The following LIMS1 variants were observed in gnomAD, a reference collection of about 807,000 sequenced individuals.
The protein encoded by LIMS1 is LIM and senescent cell antigen-like-containing domain protein 1.
In LIMS1, 18 loss-of-function variants were observed where a neutral mutation model predicts 44.1. That is an observed-to-expected ratio of 0.41 (90% CI 0.28 to 0.61). LIMS1 has a LOEUF of 0.61. Ranked by LOEUF, LIMS1 falls within the 20% of genes least tolerant of loss-of-function variation. LIMS1 has a pLI of 0.32. For missense variants in LIMS1, 201 were observed against 422.0 expected (o/e 0.48, Z 4.59); for synonymous variants, 93 against 149.1 (o/e 0.62, Z 2.74).
At chr2:108,679,279 G>A (rs1490387641) in intron 8 of LIMS1, among the ~76,000 whole-genome samples, 1 of 151,672 alleles carries the variant, frequency 6.6e-6, no homozygotes, top group Admixed American at 6.6e-5. Flanking sequence ...AAGAGTTCAA[G>A]AGCAGTCTGG....
chr2:108,595,651 A>G (rs889448182), intron 1 of LIMS1, among the ~76,000 whole-genome samples: 3 of 152,068 alleles, frequency 2.0e-5, no homozygotes, highest in African/African-American at 7.2e-5. Context: ...TCTGTAGTCA[A>G]CTGTGTACTA....
intron 1 of LIMS1, among the ~76,000 whole-genome samples, 179 bp downstream of exon 1, chr2:108,534,773 G>T (rs994942940): frequency 6.6e-5 from 10 of 151,706 alleles, no homozygotes; most frequent in African/African-American, 2.4e-4. Flanking sequence ...GTCCGGGCCC[G>T]CGGAGGAGAC....
intron 1 of LIMS1, among the ~76,000 whole-genome samples, chr2:108,583,349 G>T (rs997598718): frequency 2.0e-5 from 3 of 151,448 alleles, no homozygotes; most frequent in Non-Finnish European, 4.4e-5. Context: ...GGCCCAAAGG[G>T]TTTTGTTTTT....
At chr2:108,673,137 G>T in intron 5 of LIMS1, 108 bp downstream of exon 5, 1 of 1,484,534 alleles carries the variant, frequency 6.7e-7, no homozygotes, top group East Asian at 2.3e-5. Flanking sequence ...CCAATTTTTA[G>T]TCTAGAAAAT....
intron 1 of LIMS1, among the ~76,000 whole-genome samples, chr2:108,656,545 C>T (rs1258454610): frequency 6.6e-6 from 1 of 151,990 alleles, no homozygotes; most frequent in African/African-American, 2.4e-5. Flanking sequence ...AGGCATTGTG[C>T]CAGAGGGTCA....
intron 1 of LIMS1, among the ~76,000 whole-genome samples, chr2:108,582,958 C>G (rs1334738142): frequency 1.3e-5 from 2 of 151,912 alleles, no homozygotes; most frequent in African/African-American, 2.4e-5. Context: ...TTAATTGTTC[C>G]TTTATATTCT....
chr2:108,626,098 G>C (rs1211689437), intron 1 of LIMS1, among the ~76,000 whole-genome samples: 1 of 152,204 alleles, frequency 6.6e-6, no homozygotes, highest in Non-Finnish European at 1.5e-5. Context: ...ATAAGTTAGT[G>C]CTTAGAATTC....
chr2:108,612,331 C>T (rs2148854148), intron 1 of LIMS1, among the ~76,000 whole-genome samples: 1 of 152,174 alleles, frequency 6.6e-6, no homozygotes, highest in East Asian at 1.9e-4. Context: ...TCGGTGTGGT[C>T]ACACATCATC....
At chr2:108,600,682 G>T (rs1686959944) in intron 1 of LIMS1, among the ~76,000 whole-genome samples, 2 of 152,162 alleles carry the variant, frequency 1.3e-5, no homozygotes, top group South Asian at 4.1e-4. Flanking sequence ...TTCACTGTAG[G>T]TGTGTGGATT....
At chr2:108,547,083 A>G (rs1684505623) in intron 1 of LIMS1, among the ~76,000 whole-genome samples, 2 of 152,226 alleles carry the variant, frequency 1.3e-5, no homozygotes, top group Non-Finnish European at 2.9e-5. Flanking sequence ...TAAATTTTGA[A>G]TAAAGGTTTT....
intron 1 of LIMS1, among the ~76,000 whole-genome samples, chr2:108,610,447 C>T (rs57325285): frequency 6.6e-6 from 1 of 152,002 alleles, no homozygotes; most frequent in South Asian, 2.1e-4. Flanking sequence ...TTTTTCTTTT[C>T]TTTTCTTTCT....
chr2:108,680,090 G>A (rs112166490), intron 8 of LIMS1, among the ~76,000 whole-genome samples: 26 of 151,994 alleles, frequency 1.7e-4, no homozygotes, highest in African/African-American at 5.1e-4. Context: ...ACAGGTATAG[G>A]CCGGGCGCAG....
At chr2:108,583,250 G>A (rs1258760953) in intron 1 of LIMS1, among the ~76,000 whole-genome samples, 1 of 150,060 alleles carries the variant, frequency 6.7e-6, no homozygotes, top group Admixed American at 6.6e-5. Context: ...ACCATGTTAG[G>A]CAGGCTGGTC....
chr2:108,675,825 G>C (rs1172247411), intron 5 of LIMS1, 53 bp from the exon 6 acceptor site: 27 of 1,610,288 alleles, frequency 1.7e-5, no homozygotes, highest in Non-Finnish European at 2.3e-5. Context: ...TAGCCCCATT[G>C]GTTGGCCACT....
chr2:108,539,302 G>A (rs991807466), intron 1 of LIMS1, among the ~76,000 whole-genome samples: 2 of 152,164 alleles, frequency 1.3e-5, no homozygotes, highest in African/African-American at 2.4e-5. Context: ...CCAGCCTAGT[G>A]TTGAATTCCT....
intron 1 of LIMS1, among the ~76,000 whole-genome samples, chr2:108,586,541 G>A (rs931503885): frequency 1.3e-5 from 2 of 152,176 alleles, no homozygotes; most frequent in Non-Finnish European, 2.9e-5. Flanking sequence ...GGTCGATTAC[G>A]AGAAGACCTT....
intron 1 of LIMS1, among the ~76,000 whole-genome samples, chr2:108,586,481 C>G (rs1238145203): frequency 6.6e-6 from 1 of 152,154 alleles, no homozygotes; most frequent in Non-Finnish European, 1.5e-5. Context: ...AAACTGTTTT[C>G]TTCATGAATA....
intron 1 of LIMS1, among the ~76,000 whole-genome samples, chr2:108,538,419 G>A (rs960244235): frequency 3.3e-5 from 5 of 152,208 alleles, no homozygotes; most frequent in Non-Finnish European, 5.9e-5. Context: ...CGGGACAGCT[G>A]CAGATAAAGC....
chr2:108,683,934 G>A, exon 10 of LIMS1: 2 of 1,605,658 alleles, frequency 1.2e-6, no homozygotes, highest in Non-Finnish European at 1.7e-6. Context: ...GAAGTGCTAT[G>A]AGAAATTTCC....
Sources: allele counts gnomAD v4.1 joint callset (sites outside exome capture counted in the v4.1 genomes callset), GRCh38; gene constraint gnomAD v4.1.1; transcripts MANE v1.5; gene names NCBI Gene and HGNC (gene_info 2026-07-23, HGNC 2026-07-21).